The following COIL variants were observed in gnomAD, a reference collection of about 807,000 sequenced individuals.
COIL encodes coilin p80.
Under a neutral mutation model 51.6 loss-of-function variants are expected in COIL, and 28 were observed. That is an observed-to-expected ratio of 0.54 (90% CI 0.40 to 0.74). The LOEUF is 0.74. Among genes scored for constraint, COIL ranks in the 30% least tolerant of loss-of-function variants. The probability of loss-of-function intolerance (pLI) is 0.00; values close to 1 mark genes in which losing one functional copy is unlikely to be tolerated. For synonymous variants in COIL, 233 were observed against 255.8 expected, an observed-to-expected ratio of 0.91 and a Z score of 0.85; for missense variants, 667 against 685.9, an observed-to-expected ratio of 0.97 and a Z score of 0.31.
At chr17:56,940,942 G>A (rs1053729890) in intron 6 of COIL, 1 of 151,806 alleles carries the variant, frequency 6.6e-6, no homozygotes. Context: ...AGACCATCGT[G>A]GCCAACGCGG....
chr17:56,949,507 T>C (rs1283321709), intron 3 of COIL, 73 bp from the exon 4 acceptor site: 4 of 1,518,780 alleles, frequency 2.6e-6, no homozygotes. Flanking sequence ...TCCTCCATCA[T>C]GCCATGTTGG....
Position 56,938,561 on chromosome 17 carries a change from G to T in COIL, c.*510C>A, listed in dbSNP as rs1019398224. 7 of 152,256 alleles carry T rather than the reference G, an allele frequency of 4.6e-5. No homozygotes were observed. The highest frequency in any genetic ancestry group is 1.7e-4 in the African/African-American group (7 of 41,404). 9.4% of individuals were successfully genotyped at this position (152,256 alleles called of 1,614,324 possible). ...AAGGATTCCTTAACTCATTGTCTGC[G>T]ACAAATCCAACTACCTGTTAACTCT... is the stretch of plus-strand genomic sequence containing the variant. On this transcript the variant is annotated 3_prime_UTR_variant, in exon 7 of 7. Transcript: ENST00000240316.
Position 56,960,942 on chromosome 17 carries a change from G to A in COIL, c.78C>T (p.Phe26=), listed in dbSNP as rs543144195. 1 of 1,614,260 alleles carries A rather than the reference G, an allele frequency of 6.2e-7. No homozygotes were observed. Among genetic ancestry groups the A allele is most frequent in the Non-Finnish European group, 8.5e-7 (1 of 1,180,044 alleles). Residue 26 remains phenylalanine, a synonymous_variant, in exon 1 of 7, where the codon TTC becomes TTT. Coordinates refer to ENST00000240316, the MANE Select transcript of COIL (RefSeq NM_004645.3). ...PPPATPHCTA[F]WLLVDLNRCR... is the part of the protein sequence containing the mutation. ...ATCTGTTCAAGTCGACCAGAAGCCA[G>A]AAGGCCGTACAGTGCGGGGTAGCTG...
intron 3 of COIL, 96 bp downstream of exon 3, chr17:56,949,585 A>G: frequency 7.1e-7 from 1 of 1,399,470 alleles, no homozygotes; most frequent in South Asian, 1.2e-5. Flanking sequence ...TCCAGTGGGA[A>G]GGGCTTTTAC....
intron 5 of COIL, among the ~76,000 whole-genome samples, chr17:56,942,544 CCTGCTTTATCGCCCAGG>C (rs1461781385): frequency 6.6e-6 from 1 of 151,994 alleles, no homozygotes; most frequent in East Asian, 1.9e-4. Context: ...AAGACAGAGT[CCTGCTTTATCGCCCAGG>C]CTGTAGTGTA....
intron 5 of COIL, among the ~76,000 whole-genome samples, chr17:56,943,832 G>A (rs1910192633): frequency 6.6e-6 from 1 of 152,140 alleles, no homozygotes. Flanking sequence ...TCAAGGACAA[G>A]TGACATTGCT....
intron 1 of COIL, chr17:56,952,390 G>T: frequency 2.4e-6 from 1 of 414,864 alleles, no homozygotes; most frequent in South Asian, 1.9e-5. Flanking sequence ...AAAAATCCTG[G>T]GATTCTTTTT....
intron 1 of COIL, among the ~76,000 whole-genome samples, chr17:56,958,798 G>GA (rs928468243): frequency 1.3e-5 from 2 of 151,742 alleles, no homozygotes; most frequent in Non-Finnish European, 2.9e-5. Context: ...TAAAAAGGGG[G>GA]AAAAAAAACT....
chr17:56,941,956 A>G (rs1567850549), intron 6 of COIL, 79 bp downstream of exon 6: 1 of 1,162,250 alleles, frequency 8.6e-7, no homozygotes, highest in East Asian at 2.3e-5. Flanking sequence ...CCTGTAGTGC[A>G]ATGTCACCTT....
At position 56,946,352 on chromosome 17, in the gene COIL, A is replaced by G. The variant is rs781291943; in HGVS notation, c.1558+90T>C. On this transcript the variant is annotated intron_variant, in intron 5 of 6. Coordinates refer to ENST00000240316, the MANE Select transcript of COIL (RefSeq NM_004645.3). ...GGGGAGCGCCAGTTATATGGAGGCC[A>G]AGGAAGAGAACATCTCCTGTGTATA... The G allele has an allele frequency of 3.9e-5, 34 of 862,730 alleles. No individual in the cohort carries two copies. In the African/African-American group the frequency reaches 4.6e-4, roughly 12 times the overall value. 53.4% of individuals were successfully genotyped at this position (862,730 alleles called of 1,614,324 possible).
chr17:56,959,959 T>C (rs938855087), intron 1 of COIL, among the ~76,000 whole-genome samples: 6 of 152,162 alleles, frequency 3.9e-5, no homozygotes, highest in Non-Finnish European at 7.4e-5. Flanking sequence ...CTCACGCCTG[T>C]AATCCCAGCA....
In COIL at chr17:56,946,523, A is replaced by T; in HGVS notation, c.1489-12T>A. ...AATATTCTTCCTTCCTTTCAAAAATAAAAGTCCAAGTCAAAATCAACATGT... is the reference window on the plus strand; with the variant it reads ...AATATTCTTCCTTCCTTTCAAAAATTAAAGTCCAAGTCAAAATCAACATGT... On this transcript the variant is annotated splice_polypyrimidine_tract_variant and intron_variant, in intron 4 of 6. Coordinates refer to ENST00000240316, the MANE Select transcript of COIL (RefSeq NM_004645.3). The T allele has an allele frequency of 6.3e-7, 1 of 1,593,240 alleles. No individual in the cohort carries two copies. The highest frequency in any genetic ancestry group is 8.6e-7 in the Non-Finnish European group (1 of 1,162,378).
At position 56,938,994 on chromosome 17, in the gene COIL, A is replaced by T. The variant is rs905673010; in HGVS notation, c.*77T>A. On this transcript the variant is annotated 3_prime_UTR_variant, in exon 7 of 7. Coordinates refer to ENST00000240316, the MANE Select transcript of COIL (RefSeq NM_004645.3). ...TCCATACAACTTCCAAATCCTCTTTAAAAAAAAAAAAAAGTTTGGGTTATA... is the reference window on the plus strand; with the variant it reads ...TCCATACAACTTCCAAATCCTCTTTTAAAAAAAAAAAAAGTTTGGGTTATA... 57 of 235,424 alleles carry T rather than the reference A, an allele frequency of 2.4e-4. No homozygotes were observed. Among genetic ancestry groups the T allele is most frequent in the South Asian group, 3.5e-4 (4 of 11,564 alleles). The allele number at this position is 235,424 out of a possible 1,614,324, so 14.6% of individuals were successfully genotyped here.
At chr17:56,954,406 C>T (rs1910444595) in intron 1 of COIL, among the ~76,000 whole-genome samples, 1 of 151,652 alleles carries the variant, frequency 6.6e-6, no homozygotes, top group South Asian at 2.1e-4. Flanking sequence ...ACTAAAAATA[C>T]AAAAATTAGC....
chr17:56,953,149 C>T (rs887051289), intron 1 of COIL, among the ~76,000 whole-genome samples: 40 of 151,946 alleles, frequency 2.6e-4, no homozygotes, highest in East Asian at 7.8e-4. Context: ...CGGTGGCTCA[C>T]GCCTGTAATC....
Position 56,949,951 on chromosome 17 carries a change from T to C in COIL, c.1291A>G (p.Thr431Ala). ...AATTGCTGTTGCCTCTGGTTGTCAG[T>C]GCTTCTATTTACAACACAGGAAACA... is the stretch of plus-strand genomic sequence containing the variant. The part of the protein sequence containing the change: ...HPVSCVVNRS[T>A]DNQRQQQLND... Residue 431 changes from threonine to alanine, a missense_variant, in exon 2 of 7, where the codon ACT (threonine) becomes GCT (alanine). Physicochemically the swap from Thr to Ala is moderately conservative, Grantham distance 58. Transcript: ENST00000240316. 1 of 1,614,188 alleles carries C rather than the reference T, an allele frequency of 6.2e-7. No individual in the cohort carries two copies. Among genetic ancestry groups the C allele is most frequent in the Non-Finnish European group, 8.5e-7 (1 of 1,180,036 alleles).
chr17:56,950,895 A>G lies in COIL; in HGVS notation c.347T>C (p.Leu116Ser). ...LRKAKKRAFQ[L>S]EEGEETEPDC... ...TGGTTCAGTTTCTTCACCCTCCTCT[A>G]ACTGAAATGCCCGCTTCTTTGCTTT... The change falls in exon 2 of 7, where the codon TTA (leucine) becomes TCA (serine). Residue 116 changes from leucine to serine, a missense_variant. Coordinates refer to ENST00000240316, the MANE Select transcript of COIL (RefSeq NM_004645.3). 1 of 1,613,852 alleles carries G rather than the reference A, an allele frequency of 6.2e-7. No homozygotes were observed. Among genetic ancestry groups the G allele is most frequent in the Non-Finnish European group, 8.5e-7 (1 of 1,180,006 alleles).
At position 56,950,092 on chromosome 17, in the gene COIL, T is replaced by G. The variant is rs1356809590; in HGVS notation, c.1150A>C (p.Ser384Arg). ...GGGQAPGASP[S>R]VSLPASLGRG... ...CCTAAACTAGCAGGGAGAGACACAC[T>G]GGGAGAAGCACCAGGAGCCTGTCCA... The change falls in exon 2 of 7, where the codon AGT becomes CGT. Residue 384 changes from serine (S) to arginine (R), a missense_variant. Ser to Arg is a moderately radical substitution (Grantham distance 110, BLOSUM62 -1). Transcript: ENST00000240316. 3.1e-6 allele frequency: 5 copies of G among 1,614,012 alleles called. No homozygotes were observed. The East Asian group carries it at 8.9e-5, about 29-fold the overall frequency.
chr17:56,954,266 A>G (rs1400633342), intron 1 of COIL, among the ~76,000 whole-genome samples: 2 of 152,256 alleles, frequency 1.3e-5, no homozygotes, highest in Admixed American at 1.3e-4. Flanking sequence ...TCCATTCTTA[A>G]GACCATGCAT....
Sources: allele counts gnomAD v4.1 joint callset (sites outside exome capture counted in the v4.1 genomes callset), GRCh38; gene constraint gnomAD v4.1.1; transcripts MANE v1.5; gene names NCBI Gene and HGNC (gene_info 2026-07-23, HGNC 2026-07-21).